Variants in CD47 observed in about 807,000 individuals in gnomAD.
CD47 encodes the protein CD47 molecule.
A neutral mutation model predicts 44.6 loss-of-function variants in CD47; 11 were observed. The ratio of observed to expected loss-of-function variants is 0.25; its 90% CI spans 0.16 to 0.41. The LOEUF (loss-of-function observed/expected upper bound fraction) is 0.41, where lower values mean the gene tolerates loss of function less well. CD47 is among the 10% of genes least tolerant of loss of function. The probability of loss-of-function intolerance (pLI) is 1.00; values close to 1 mark genes in which losing one functional copy is unlikely to be tolerated. For synonymous variants in CD47, 140 were observed against 136.3 expected, an observed-to-expected ratio of 1.03 and a Z score of -0.19; for missense variants, 306 against 386.7, an observed-to-expected ratio of 0.79 and a Z score of 1.75.
chr3:108,074,886 A>G (rs2079280144), intron 2 of CD47, among the ~76,000 whole-genome samples: 1 of 152,120 alleles, frequency 6.6e-6, no homozygotes, highest in South Asian at 2.1e-4. Flanking sequence ...TTAAGAACCA[A>G]CTGAGATGCT....
intron 1 of CD47, 147 bp from the exon 2 acceptor site, chr3:108,080,491 G>A: frequency 1.8e-6 from 1 of 546,208 alleles, no homozygotes; most frequent in Non-Finnish European, 3.2e-6. Context: ...CCTATTAGGT[G>A]AAATATGCAA....
rs1481153764 is a variant in CD47 at position 108,071,156 on chromosome 3, T to C, written c.427A>G (p.Ile143Val). 6.7e-7 allele frequency: 1 copy of C among 1,496,626 alleles called. No homozygotes were observed. The highest frequency in any genetic ancestry group is 9.2e-7 in the Non-Finnish European group (1 of 1,092,178). 92.7% of individuals were successfully genotyped at this position (1,496,626 alleles called of 1,614,324 possible). A position where few individuals can be genotyped will look rare whatever the true frequency, so the allele number is the denominator to read the frequency against. The change falls in exon 3 of 11, where the codon ATT becomes GTT. Residue 143 changes from isoleucine (I) to valine (V), a missense_variant. Transcript: ENST00000361309. ...VVSWFSPNENILIVIFPIFAI... is the reference protein window; with the variant it reads ...VVSWFSPNENVLIVIFPIFAI... Reference sequence around the variant, plus strand: ...AAAATTGGGAAAATAACAATAAGAATATTTTCATTTGGAGAAAACCATGAA... The same window carrying C: ...AAAATTGGGAAAATAACAATAAGAACATTTTCATTTGGAGAAAACCATGAA...
intron 3 of CD47, among the ~76,000 whole-genome samples, chr3:108,064,943 T>C (rs556344432): frequency 6.6e-6 from 1 of 152,328 alleles, no homozygotes; most frequent in African/African-American, 2.4e-5. Flanking sequence ...ATTTTTTAAA[T>C]TGTTTAAATT....
intron 3 of CD47, among the ~76,000 whole-genome samples, 193 bp from the exon 4 acceptor site, chr3:108,061,045 T>C (rs1182484633): frequency 6.6e-6 from 1 of 151,754 alleles, no homozygotes; most frequent in South Asian, 2.1e-4. Flanking sequence ...AGTATAAATA[T>C]GGATGGTGAA....
chr3:108,044,235 A>T lies in CD47; in HGVS notation c.*3053T>A, dbSNP rs1337748428. 6.6e-6 allele frequency: 1 copy of T among 152,614 alleles called. No homozygotes were observed. The highest frequency in any genetic ancestry group is 1.5e-5 in the Non-Finnish European group (1 of 68,032). The allele number at this position is 152,614 out of a possible 1,614,324, so 9.5% of individuals were successfully genotyped here. On this transcript the variant is annotated 3_prime_UTR_variant, in exon 11 of 11. Transcript: ENST00000361309. Reference sequence around the variant, plus strand: ...TGTTTTGAGCTTTGTTAGTGCAAATAACAATTTGGTGGTCACTTACTAAAT... The same window carrying T: ...TGTTTTGAGCTTTGTTAGTGCAAATTACAATTTGGTGGTCACTTACTAAAT...
chr3:108,089,135 CAT>C lies in CD47; in HGVS notation c.46+1726_46+1727del, dbSNP rs2079579298. Among the ~76,000 whole-genome samples the C allele has an allele frequency of 2.6e-5, 4 of 152,288 alleles. No individual in the cohort carries two copies. In the South Asian group the frequency reaches 8.3e-4, roughly 32 times the overall value. ...GCTATATATTAAACACATACAAAAACATATTTTATAACAAATACTATCCTGTT... is the reference window on the plus strand; with the variant it reads ...GCTATATATTAAACACATACAAAAACATTTTATAACAAATACTATCCTGTT... On this transcript the variant is annotated intron_variant, in intron 1 of 10. Coordinates refer to ENST00000361309, the MANE Select transcript of CD47 (RefSeq NM_001777.4).
chr3:108,056,486 T>C (rs1465917866), intron 7 of CD47, among the ~76,000 whole-genome samples: 1 of 152,208 alleles, frequency 6.6e-6, no homozygotes, highest in Non-Finnish European at 1.5e-5. Flanking sequence ...GAGAAATTAT[T>C]TGACTATAAC....
chr3:108,065,873 C>CTTA (rs1416420327), intron 3 of CD47, among the ~76,000 whole-genome samples: 7 of 135,658 alleles, frequency 5.2e-5, no homozygotes, highest in South Asian at 2.6e-4. Flanking sequence ...ATAACAAAGT[C>CTTA]TTATTACCAG....
intron 1 of CD47, among the ~76,000 whole-genome samples, chr3:108,081,743 A>C (rs551164297): frequency 6.6e-6 from 1 of 152,002 alleles, no homozygotes; most frequent in Non-Finnish European, 1.5e-5. Context: ...TTAACATGGA[A>C]AACATAGCGG....
intron 2 of CD47, among the ~76,000 whole-genome samples, chr3:108,073,113 C>T (rs1213355464): frequency 6.6e-6 from 1 of 151,838 alleles, no homozygotes; most frequent in Non-Finnish European, 1.5e-5. Context: ...ATTTCTCCCA[C>T]ATCCCACTCT....
chr3:108,073,925 T>C (rs542794407), intron 2 of CD47, among the ~76,000 whole-genome samples: 1 of 152,274 alleles, frequency 6.6e-6, no homozygotes, highest in African/African-American at 2.4e-5. Context: ...CAAAGGAAGA[T>C]GACTAGAATG....
intron 1 of CD47, 63 bp downstream of exon 1, chr3:108,090,800 G>A: frequency 1.4e-6 from 2 of 1,408,934 alleles, no homozygotes; most frequent in South Asian, 1.4e-5. Flanking sequence ...CTGGGGCGCA[G>A]CCCACACGCC....
At chr3:108,049,592 T>C in intron 10 of CD47, 27 bp downstream of exon 10, 2 of 1,416,786 alleles carry the variant, frequency 1.4e-6, no homozygotes, top group Non-Finnish European at 2.0e-6. Flanking sequence ...AACTGATCTA[T>C]AATTATTAAG....
At chr3:108,066,091 A>G (rs890600197) in intron 3 of CD47, among the ~76,000 whole-genome samples, 1 of 152,104 alleles carries the variant, frequency 6.6e-6, no homozygotes, top group Non-Finnish European at 1.5e-5. Context: ...AGCTGTCCTC[A>G]AGTCAAAACT....
chr3:108,089,064 ACTAC>A (rs925570274), intron 1 of CD47, among the ~76,000 whole-genome samples: 1 of 152,234 alleles, frequency 6.6e-6, no homozygotes, highest in African/African-American at 2.4e-5. Context: ...TTGGTTTATA[ACTAC>A]CTATGTGCTG....
chr3:108,051,737 T>A (rs769592815), intron 8 of CD47: 4 of 663,772 alleles, frequency 6.0e-6, no homozygotes, highest in South Asian at 5.5e-5. Context: ...AAATCATTTA[T>A]TCCATCCCAT....
chr3:108,078,866 C>T (rs550772137), intron 2 of CD47, among the ~76,000 whole-genome samples: 385 of 152,134 alleles, frequency 2.5e-3, no homozygotes, highest in African/African-American at 8.5e-3. Flanking sequence ...GGTTTATGCT[C>T]ATTAGACTGT....
Position 108,044,292 on chromosome 3 carries a change from C to G in CD47, c.*2996G>C, listed in dbSNP as rs1424691380. On this transcript the variant is annotated 3_prime_UTR_variant, in exon 11 of 11. Transcript: ENST00000361309. ...TAGCATCCTGAAAAAAGAAATATTT[C>G]CAATTACGGGATAGCCCTGTTATTT... The G allele has an allele frequency of 6.6e-6, 1 of 152,112 alleles. No individual in the cohort carries two copies. The highest frequency in any genetic ancestry group is 1.5e-5 in the Non-Finnish European group (1 of 67,984). The allele number at this position is 152,112 out of a possible 1,614,324, so 9.4% of individuals were successfully genotyped here.
Position 108,060,855 on chromosome 3 carries a change from T to TA in CD47, c.491-4dup. The stretch of plus-strand genomic sequence containing the variant: ...ACCACCGGATCTATATTTAAGTGCT[T>TA]AAAAAAGAAAAACAAAGAATTATAT... On this transcript the variant is annotated splice_polypyrimidine_tract_variant and splice_region_variant and intron_variant, in intron 3 of 10. Coordinates refer to ENST00000361309, the MANE Select transcript of CD47 (RefSeq NM_001777.4). 6.3e-7 allele frequency: 1 copy of TA among 1,591,278 alleles called. No individual in the cohort carries two copies. The highest frequency in any genetic ancestry group is 8.6e-7 in the Non-Finnish European group (1 of 1,160,712).
Sources: gnomAD v4.1 joint callset for allele counts (sites outside exome capture counted in the v4.1 genomes callset) on GRCh38, gnomAD v4.1.1 for gene constraint, MANE v1.5 for transcripts, NCBI Gene and HGNC (gene_info 2026-07-23, HGNC 2026-07-21) for gene names.